OTOA: variants seen among roughly 807,000 people sequenced by gnomAD.
OTOA encodes the protein otoancorin.
OTOA carries 70 observed loss-of-function variants against 110.8 expected under a neutral mutation model. The observed-to-expected ratio is 0.63, with a 90% confidence interval of 0.52 to 0.77. The LOEUF is 0.77. Among genes scored for constraint, OTOA ranks in the 30% least tolerant of loss-of-function variants. OTOA has a pLI of 0.00. For missense variants in OTOA, 917 were observed against 1,075.8 expected (o/e 0.85, Z 2.06); for synonymous variants, 373 against 431.5 (o/e 0.86, Z 1.68).
chr16:21,738,889 A>G (rs572098925), intron 22 of OTOA, among the ~76,000 whole-genome samples: 1 of 151,322 alleles, frequency 6.6e-6, no homozygotes, highest in South Asian at 2.1e-4. Flanking sequence ...ACTTGTCTAA[A>G]GTCACAGAGT....
At chr16:21,682,771 CATA>C (rs145027265) in intron 6 of OTOA, among the ~76,000 whole-genome samples, 25,282 of 152,144 alleles carry the variant, frequency 0.17, 3,044 homozygotes, top group East Asian at 0.33. Context: ...AAAGTTCTGA[CATA>C]TGTCTTCATT....
Position 21,697,820 on chromosome 16 carries a change from G to A in OTOA, c.785G>A (p.Gly262Asp), listed in dbSNP as rs768287123. 6 of 1,614,056 alleles carry A rather than the reference G, an allele frequency of 3.7e-6. No homozygotes were observed. The highest frequency in any genetic ancestry group is 5.1e-6 in the Non-Finnish European group (6 of 1,179,994). The change falls in exon 10 of 29, where the codon GGC becomes GAC. Residue 262 changes from glycine to aspartate, a missense_variant. Gly to Asp is a moderately conservative substitution (Grantham distance 94, BLOSUM62 -1). Coordinates refer to ENST00000646100, the MANE Select transcript of OTOA (RefSeq NM_144672.4). ...WVSAEHLWVL[G>D]RYMVHLSFEE... ...AGTGCGGAACACTTATGGGTTTTGG[G>A]CAGATACATGGTTCACCTATCGTTT...
In OTOA at chr16:21,699,241, C is replaced by G. The variant is rs554593972; in HGVS notation, c.840+1366C>G. 1.1e-4 allele frequency among the ~76,000 whole-genome samples: 16 copies of G among 152,170 alleles called. No individual in the cohort carries two copies. In the South Asian group the frequency reaches 2.5e-3, roughly 24 times the overall value. On this transcript the variant is annotated intron_variant, in intron 10 of 28. Coordinates refer to ENST00000646100, the MANE Select transcript of OTOA (RefSeq NM_144672.4). Reference sequence around the variant, plus strand: ...TGCTGGTATTACAGGTGTGAGACACCGCACCCAGCCTAAAAAGGAATTTTA... The same window carrying G: ...TGCTGGTATTACAGGTGTGAGACACGGCACCCAGCCTAAAAAGGAATTTTA...
intron 13 of OTOA, among the ~76,000 whole-genome samples, chr16:21,714,340 T>C (rs4017414): frequency 0.063 from 5,093 of 80,786 alleles, 122 homozygotes; most frequent in African/African-American, 0.09. Context: ...TTCCTTTCTT[T>C]CTTTCTTTCT....
rs768161528 is a variant in OTOA, at chr16:21,730,866, C to T, written c.2237C>T (p.Thr746Met). ...CCTCAGCACTGGACAGCCGAGACCA[C>T]GAAGGACTTGGGACCCTTTCTAGTA... Reference protein sequence around the residue: ...GLPQHWTAETTKDLGPFLVLF... With the variant: ...GLPQHWTAETMKDLGPFLVLF... Residue 746 changes from threonine to methionine, a missense_variant, in exon 21 of 29, where the codon ACG becomes ATG. Thr to Met is a moderately conservative substitution (Grantham distance 81). This residue lies in a region of OTOA where 840 missense variants were observed against 910.2 expected (regional missense o/e 0.92). Transcript: ENST00000646100. 8.2e-6 allele frequency: 13 copies of T among 1,575,996 alleles called. No individual in the cohort carries two copies. The highest frequency in any genetic ancestry group is 1.1e-5 in the South Asian group (1 of 87,324).
At chr16:21,724,478 T>C (rs1280341779) in intron 18 of OTOA, among the ~76,000 whole-genome samples, 1 of 151,142 alleles carries the variant, frequency 6.6e-6, no homozygotes, top group African/African-American at 2.4e-5. Flanking sequence ...CATCAGATCA[T>C]GGGGGCTTTG....
chr16:21,677,431 G>A (rs1966860498), intron 1 of OTOA, among the ~76,000 whole-genome samples: 1 of 149,674 alleles, frequency 6.7e-6, no homozygotes, highest in South Asian at 2.1e-4. Context: ...TCATTTGTGT[G>A]CTTATTGGCC....
intron 6 of OTOA, among the ~76,000 whole-genome samples, chr16:21,682,562 T>C (rs1481547964): frequency 1.3e-5 from 2 of 152,212 alleles, no homozygotes; most frequent in African/African-American, 4.8e-5. Context: ...GATATTTGCC[T>C]TAAGGGGCAA....
intron 10 of OTOA, among the ~76,000 whole-genome samples, chr16:21,699,747 C>A (rs1410747270): frequency 6.6e-6 from 1 of 151,938 alleles, no homozygotes. Context: ...GGCGAAACCC[C>A]GTCTCTACTA....
chr16:21,682,090 C>A (rs1043003728), intron 6 of OTOA, among the ~76,000 whole-genome samples: 3 of 152,168 alleles, frequency 2.0e-5, no homozygotes, highest in African/African-American at 7.2e-5. Context: ...GCAGCTCAAA[C>A]AATTTAGTTT....
At chr16:21,746,993 G>T (rs1334085690) in intron 24 of OTOA, among the ~76,000 whole-genome samples, 1 of 152,312 alleles carries the variant, frequency 6.6e-6, no homozygotes. Context: ...TGGCCATGAA[G>T]ATTACATGAG....
At chr16:21,689,406 C>G (rs953675502) in intron 8 of OTOA, among the ~76,000 whole-genome samples, 2 of 152,150 alleles carry the variant, frequency 1.3e-5, no homozygotes, top group African/African-American at 2.4e-5. Flanking sequence ...AGCATCTCTT[C>G]CCTCCTCCGT....
chr16:21,759,307 A>G (rs890963202), intron 28 of OTOA, among the ~76,000 whole-genome samples: 1 of 151,976 alleles, frequency 6.6e-6, no homozygotes, highest in African/African-American at 2.4e-5. Context: ...ACTTTTCACA[A>G]AAGCTTATTA....
intron 8 of OTOA, among the ~76,000 whole-genome samples, chr16:21,690,821 T>C (rs1897814351): frequency 6.6e-6 from 1 of 152,110 alleles, no homozygotes; most frequent in East Asian, 1.9e-4. Context: ...GAAGGTTTTT[T>C]TTTTTTAAAT....
rs1597845331 is a variant in OTOA at position 21,724,709 on chromosome 16, A to T, written c.1880+1731A>T. Among the ~76,000 whole-genome samples, 3 of 152,018 alleles carry T rather than the reference A, an allele frequency of 2.0e-5. No homozygotes were observed. The South Asian group carries it at 6.2e-4, about 32-fold the overall frequency. On this transcript the variant is annotated intron_variant, in intron 18 of 28. Transcript: ENST00000646100. ...AACTGCCTTAGAAGGGGCTCGTTTG[A>T]TTATCCCCATTGTCATTCTCTTTTA...
chr16:21,687,595 A>G lies in OTOA; in HGVS notation c.582A>G (p.Pro194=). The change falls in exon 8 of 29, where the codon CCA becomes CCG. Residue 194 remains proline, a synonymous_variant. Coordinates refer to ENST00000646100, the MANE Select transcript of OTOA (RefSeq NM_144672.4). ...LRGSSGSFLQ[P]DITERLPRDL... The stretch of plus-strand genomic sequence containing the variant: ...GGTCCTCAGGGAGCTTTCTCCAGCC[A>G]GACATCACAGAGCGGCTCCCTCGGG... 6.2e-7 allele frequency: 1 copy of G among 1,613,530 alleles called. No homozygotes were observed. The highest frequency in any genetic ancestry group is 1.1e-5 in the South Asian group (1 of 91,042).
At chr16:21,705,633 G>A (rs2141681120) in intron 12 of OTOA, among the ~76,000 whole-genome samples, 1 of 151,948 alleles carries the variant, frequency 6.6e-6, no homozygotes, top group Non-Finnish European at 1.5e-5. Flanking sequence ...AACATCATGA[G>A]ACCCTTGTCT....
rs558451440 is a variant in OTOA, at chr16:21,713,913, G to A, written c.1321-1072G>A. 3.9e-5 allele frequency among the ~76,000 whole-genome samples: 6 copies of A among 152,280 alleles called. No homozygotes were observed. The East Asian group carries it at 7.7e-4, about 20-fold the overall frequency. ...TCTGAATTTGATTTTAGGGAGTTGAGGGAGACGGTTTTGTTCCCTCCCAGC... is the reference window on the plus strand; with the variant it reads ...TCTGAATTTGATTTTAGGGAGTTGAAGGAGACGGTTTTGTTCCCTCCCAGC... On this transcript the variant is annotated intron_variant, in intron 13 of 28. Coordinates refer to ENST00000646100, the MANE Select transcript of OTOA (RefSeq NM_144672.4).
chr16:21,716,886 G>T lies in OTOA; in HGVS notation c.1489-21G>T, dbSNP rs752106885. 29 of 1,613,422 alleles carry T rather than the reference G, an allele frequency of 1.8e-5. No homozygotes were observed. The Middle Eastern group carries it at 1.7e-3, about 93-fold the overall frequency. On this transcript the variant is annotated intron_variant, in intron 14 of 28. Transcript: ENST00000646100. ...AATGCATTTTTTACAATGTTGTTTT[G>T]TTGCTTCTCGCTTCTGGCAGATGGT...
Sources: gnomAD v4.1 joint callset for allele counts (sites outside exome capture counted in the v4.1 genomes callset) on GRCh38, gnomAD v4.1.1 for gene constraint, gnomAD v4.1.1 regional missense constraint, MANE v1.5 for transcripts, NCBI Gene and HGNC (gene_info 2026-07-23, HGNC 2026-07-21) for gene names.